USP54: variants seen among roughly 807,000 people sequenced by gnomAD.
The protein encoded by USP54 is ubiquitin specific peptidase 54.
A neutral mutation model predicts 170.5 loss-of-function variants in USP54; 87 were observed. The ratio of observed to expected loss-of-function variants is 0.51; its 90% confidence interval spans 0.43 to 0.61. The LOEUF (loss-of-function observed/expected upper bound fraction) is 0.61. Among genes scored for constraint, USP54 ranks in the 20% least tolerant of loss-of-function variants. USP54 has a pLI of 0.00. For synonymous variants in USP54, 655 were observed against 742.8 expected, an observed-to-expected ratio of 0.88 and a Z score of 1.92; for missense variants, 1,786 against 2,047.8, an observed-to-expected ratio of 0.87 and a Z score of 2.47.
chr10:73,532,250 G>A lies in USP54; in HGVS notation c.1316-1415C>T, dbSNP rs976104392. ...TGCAGTGGTGCGATCTCAACTCACT[G>A]CAAGCTCCGCCTTCCGGGTTCACGC... On this transcript the variant is annotated intron_variant, in intron 12 of 23. Coordinates refer to ENST00000687698, the MANE Select transcript of USP54 (RefSeq NM_001391956.1). 2.0e-5 allele frequency among the ~76,000 whole-genome samples: 3 copies of A among 151,866 alleles called. No homozygotes were observed. The South Asian group carries it at 6.2e-4, about 32-fold the overall frequency.
rs777565067 is a variant in USP54, at chr10:73,519,895, G to C, written c.2580C>G (p.Ser860Arg). 6.8e-6 allele frequency: 11 copies of C among 1,614,134 alleles called. No individual in the cohort carries two copies. In the South Asian group the frequency reaches 8.8e-5, roughly 13 times the overall value. The change falls in exon 19 of 24, where the codon AGC becomes AGG. Residue 860 changes from serine (S) to arginine (R), a missense_variant. By Grantham distance (110) the Ser-to-Arg change is moderately radical (BLOSUM62 -1). This residue lies in a region of USP54 where 1,418 missense variants were observed against 1,569.0 expected (regional missense o/e 0.90). Transcript: ENST00000687698. ...GCTGCTGCTGCATGCGATCCTGCAG[G>C]CTCCGTGCTTTTCGAATACTGATTT... ...KLQISIRKAR[S>R]LQDRMQQQQS...
At chr10:73,533,859 C>T (rs138250672) in intron 12 of USP54, among the ~76,000 whole-genome samples, 17 of 152,342 alleles carry the variant, frequency 1.1e-4, no homozygotes, top group African/African-American at 4.1e-4. Flanking sequence ...AGCAAGCTGA[C>T]ATGCAGTTGT....
intron 9 of USP54, among the ~76,000 whole-genome samples, chr10:73,540,012 G>C (rs959324096): frequency 6.6e-6 from 1 of 151,962 alleles, no homozygotes; most frequent in Non-Finnish European, 1.5e-5. Context: ...TGTAATCCCA[G>C]CTACTTGAGA....
intron 20 of USP54, among the ~76,000 whole-genome samples, chr10:73,515,440 T>C (rs1340274320): frequency 6.6e-6 from 1 of 152,232 alleles, no homozygotes; most frequent in Admixed American, 6.5e-5. Context: ...ACATTCTTCA[T>C]GTCTTCAATT....
chr10:73,547,159 C>G (rs2068018627), intron 4 of USP54, among the ~76,000 whole-genome samples: 1 of 152,130 alleles, frequency 6.6e-6, no homozygotes, highest in South Asian at 2.1e-4. Context: ...TGGCACACGC[C>G]TATAATGCCA....
chr10:73,580,319 A>C (rs7070021), intron 1 of USP54, among the ~76,000 whole-genome samples: 5,755 of 122,024 alleles, frequency 0.047, 233 homozygotes, highest in African/African-American at 0.15. Context: ...ACCCCATTTC[A>C]AAAAAAAAAA....
intron 1 of USP54, among the ~76,000 whole-genome samples, chr10:73,608,561 T>G (rs1365846163): frequency 8.5e-5 from 13 of 152,170 alleles, no homozygotes; most frequent in African/African-American, 2.7e-4. Flanking sequence ...TAGGTTATTA[T>G]TATCCTAATC....
intron 11 of USP54, among the ~76,000 whole-genome samples, chr10:73,535,457 T>C (rs1393921036): frequency 1.3e-5 from 2 of 152,066 alleles, no homozygotes; most frequent in East Asian, 1.9e-4. Context: ...TCAAGTATCT[T>C]CTCTTTCAAA....
At chr10:73,526,409 G>A (rs2062867485) in intron 16 of USP54, among the ~76,000 whole-genome samples, 1 of 152,124 alleles carries the variant, frequency 6.6e-6, no homozygotes, top group Non-Finnish European at 1.5e-5. Flanking sequence ...CGCTACGCTG[G>A]TTAATTTTTT....
intron 17 of USP54, among the ~76,000 whole-genome samples, chr10:73,521,584 C>T (rs756835642): frequency 8.5e-5 from 13 of 152,246 alleles, no homozygotes; most frequent in Non-Finnish European, 1.3e-4. Context: ...CCACCCTAAA[C>T]TGGAAAATCA....
chr10:73,550,945 A>T (rs1348475873), intron 4 of USP54, among the ~76,000 whole-genome samples: 1 of 152,104 alleles, frequency 6.6e-6, no homozygotes, highest in Non-Finnish European at 1.5e-5. Context: ...TCTCTACTAA[A>T]AATACAAAAA....
intron 10 of USP54, chr10:73,538,010 GC>G (rs2133468717): frequency 6.6e-6 from 1 of 152,230 alleles, no homozygotes; most frequent in South Asian, 2.1e-4. Flanking sequence ...TTTGAGACCA[GC>G]CTGGCCAACA....
intron 4 of USP54, among the ~76,000 whole-genome samples, chr10:73,558,661 T>G (rs191812275): frequency 2.1e-3 from 318 of 152,288 alleles, no homozygotes; most frequent in African/African-American, 7.2e-3. Flanking sequence ...TCCTTACCAG[T>G]GGTTCCTAGA....
At position 73,545,607 on chromosome 10, in the gene USP54, A is replaced by G; in HGVS notation, c.306T>C (p.Ala102=). 6.2e-7 allele frequency: 1 copy of G among 1,614,210 alleles called. No homozygotes were observed. The highest frequency in any genetic ancestry group is 1.1e-5 in the South Asian group (1 of 91,084). ...GTTCATCCTGGAAAGTCTTTGCCAGAGCACTGCGGAGAGTGTCAGATGGAA... is the reference window on the plus strand; with the variant it reads ...GTTCATCCTGGAAAGTCTTTGCCAGGGCACTGCGGAGAGTGTCAGATGGAA... The part of the protein sequence containing the change: ...KVLPSDTLRS[A]LAKTFQDEQR... The change falls in exon 5 of 24, where the codon GCT becomes GCC. Residue 102 remains alanine (A), a synonymous_variant. Transcript: ENST00000687698.
At chr10:73,561,101 T>G (rs1465381490) in intron 4 of USP54, among the ~76,000 whole-genome samples, 2 of 92,362 alleles carry the variant, frequency 2.2e-5, no homozygotes, top group East Asian at 6.5e-4. Context: ...CGAGACTCCA[T>G]CTCAAAAAAA....
chr10:73,580,318 C>CAAAAAAAAAA (rs550717480), intron 1 of USP54, among the ~76,000 whole-genome samples: 1 of 64,400 alleles, frequency 1.6e-5, no homozygotes, highest in Admixed American at 1.8e-4. Flanking sequence ...GACCCCATTT[C>CAAAAAAAAAA]AAAAAAAAAA....
chr10:73,542,980 G>C, intron 6 of USP54, 38 bp downstream of exon 6: 1 of 1,608,616 alleles, frequency 6.2e-7, no homozygotes, highest in Non-Finnish European at 8.5e-7. Flanking sequence ...AAAGTGTTCT[G>C]GAAGAAATGT....
chr10:73,573,150 T>C (rs772800457), intron 3 of USP54, among the ~76,000 whole-genome samples: 3 of 151,550 alleles, frequency 2.0e-5, no homozygotes, highest in Admixed American at 6.6e-5. Context: ...ATTAGCTGCG[T>C]GTGGTAGCAT....
Position 73,541,363 on chromosome 10 carries a change from AC to A in USP54, c.825+11del. On this transcript the variant is annotated intron_variant, in intron 9 of 23. Coordinates refer to ENST00000687698, the MANE Select transcript of USP54 (RefSeq NM_001391956.1). Reference sequence around the variant, plus strand: ...GAACTCAAAGTGAGAGATAAAGGTAACTAACACGCACATCACCCAGCTTAAG... The same window carrying A: ...GAACTCAAAGTGAGAGATAAAGGTAATAACACGCACATCACCCAGCTTAAG... The A allele has an allele frequency of 6.2e-7, 1 of 1,613,888 alleles. No homozygotes were observed. Among genetic ancestry groups the A allele is most frequent in the Non-Finnish European group, 8.5e-7 (1 of 1,179,922 alleles).
Sources: gnomAD v4.1 joint callset for allele counts (sites outside exome capture counted in the v4.1 genomes callset) on GRCh38, gnomAD v4.1.1 for gene constraint, gnomAD v4.1.1 regional missense constraint, MANE v1.5 for transcripts, NCBI Gene and HGNC (gene_info 2026-07-23, HGNC 2026-07-21) for gene names.